The following FAM81B variants were observed in gnomAD, a reference collection of about 807,000 sequenced individuals.
The protein encoded by FAM81B is family with sequence similarity 81 member B, also known as protein FAM81B.
In FAM81B, 60 loss-of-function variants were observed where a neutral mutation model predicts 58.7. The observed-to-expected ratio is 1.02, with a 90% CI of 0.83 to 1.27. FAM81B has a LOEUF of 1.27. FAM81B is among the 50% of genes most tolerant of loss of function. The pLI is 0.00. For missense variants in FAM81B, 491 were observed against 522.0 expected (o/e 0.94, Z 0.58); for synonymous variants, 189 against 179.6 (o/e 1.05, Z -0.42).
intron 6 of FAM81B, among the ~76,000 whole-genome samples, chr5:95,430,380 A>AGT (rs952383991): frequency 9.9e-5 from 10 of 100,836 alleles, no homozygotes; most frequent in African/African-American, 5.2e-4. Flanking sequence ...GCACAAAAAT[A>AGT]GTGTATATAT....
chr5:95,411,296 A>C (rs1762398782), intron 3 of FAM81B, among the ~76,000 whole-genome samples: 1 of 152,208 alleles, frequency 6.6e-6, no homozygotes, highest in Non-Finnish European at 1.5e-5. Flanking sequence ...TGGAAATCCC[A>C]AAAAGATCTA....
At chr5:95,427,004 G>A (rs981401201) in intron 5 of FAM81B, among the ~76,000 whole-genome samples, 3 of 152,038 alleles carry the variant, frequency 2.0e-5, no homozygotes, top group African/African-American at 4.8e-5. Context: ...AGCCGAGATT[G>A]TGCCACTGCA....
At chr5:95,433,257 G>A (rs1744970610) in intron 6 of FAM81B, among the ~76,000 whole-genome samples, 1 of 138,976 alleles carries the variant, frequency 7.2e-6, no homozygotes, top group East Asian at 2.0e-4. Context: ...GGTGAAAGGT[G>A]AAGGGTAGCA....
chr5:95,423,978 G>T, intron 5 of FAM81B: 7 of 1,282,158 alleles, frequency 5.5e-6, no homozygotes, highest in Non-Finnish European at 7.1e-6. Context: ...AGAGATTCAG[G>T]TCAGCAACAC....
chr5:95,420,501 T>C lies in FAM81B; in HGVS notation c.656+99T>C, dbSNP rs558990479. Reference sequence around the variant, plus strand: ...CATGCTGTGGAAAAAAGATATTGTCTACACATTAAGCTAAACTAATGAGAT... The same window carrying C: ...CATGCTGTGGAAAAAAGATATTGTCCACACATTAAGCTAAACTAATGAGAT... On this transcript the variant is annotated intron_variant, in intron 5 of 9. Transcript: ENST00000283357. 4.1e-5 allele frequency: 62 copies of C among 1,519,202 alleles called. No homozygotes were observed. In the South Asian group the frequency reaches 7.1e-4, roughly 17 times the overall value. The allele number at this position is 1,519,202 out of a possible 1,614,324, so 94.1% of individuals were successfully genotyped here. A position where few individuals can be genotyped will look rare whatever the true frequency, so the allele number is the denominator to read the frequency against.
intron 4 of FAM81B, among the ~76,000 whole-genome samples, chr5:95,417,095 T>C (rs972869422): frequency 2.6e-5 from 4 of 152,174 alleles, no homozygotes; most frequent in Admixed American, 6.5e-5. Flanking sequence ...GTATCTGCGT[T>C]TGGATTATTT....
At chr5:95,428,347 T>G (rs1391816645) in intron 5 of FAM81B, among the ~76,000 whole-genome samples, 2 of 152,156 alleles carry the variant, frequency 1.3e-5, no homozygotes, top group Non-Finnish European at 2.9e-5. Flanking sequence ...TTCCCTCAAT[T>G]TACCACAATA....
intron 7 of FAM81B, among the ~76,000 whole-genome samples, chr5:95,442,755 G>T (rs1199399620): frequency 1.3e-5 from 2 of 152,170 alleles, no homozygotes; most frequent in Non-Finnish European, 2.9e-5. Flanking sequence ...ATAACATTAA[G>T]AAGAAATTAG....
chr5:95,437,631 C>T (rs1172994032), intron 7 of FAM81B, among the ~76,000 whole-genome samples: 1 of 152,210 alleles, frequency 6.6e-6, no homozygotes, highest in Non-Finnish European at 1.5e-5. Flanking sequence ...GCCACTGTGT[C>T]CGGCCTACAT....
intron 5 of FAM81B, among the ~76,000 whole-genome samples, chr5:95,421,630 G>A (rs963205402): frequency 6.6e-5 from 10 of 151,918 alleles, no homozygotes; most frequent in Non-Finnish European, 1.5e-4. Context: ...GTAAGGGGGT[G>A]GCATATCATA....
intron 7 of FAM81B, among the ~76,000 whole-genome samples, chr5:95,446,271 A>C (rs1745553367): frequency 6.6e-6 from 1 of 152,188 alleles, no homozygotes; most frequent in Non-Finnish European, 1.5e-5. Context: ...CATGGATAAC[A>C]CTACATTTCA....
At chr5:95,440,263 A>G (rs1022480763) in intron 7 of FAM81B, 6 of 779,916 alleles carry the variant, frequency 7.7e-6, no homozygotes, top group Non-Finnish European at 1.4e-5. Context: ...GCTGAAAAAT[A>G]CAAGGACTTA....
intron 3 of FAM81B, chr5:95,397,032 A>G (rs1761982255): frequency 1.3e-5 from 2 of 152,378 alleles, no homozygotes; most frequent in Admixed American, 1.3e-4. Context: ...TCATGTGAAG[A>G]GAAAAATCTA....
chr5:95,418,446 C>T (rs1024999536), intron 4 of FAM81B, among the ~76,000 whole-genome samples: 2 of 152,142 alleles, frequency 1.3e-5, no homozygotes, highest in African/African-American at 4.8e-5. Context: ...AAGAACAAAT[C>T]TTCTATCCAT....
chr5:95,403,986 C>T (rs17084641), intron 3 of FAM81B, among the ~76,000 whole-genome samples: 40,119 of 151,954 alleles, frequency 0.26, 5,481 homozygotes, highest in Middle Eastern at 0.29. Flanking sequence ...TGGTATCTGC[C>T]ATACTGAGAA....
chr5:95,441,398 G>A (rs911066765), intron 7 of FAM81B, among the ~76,000 whole-genome samples: 7 of 151,822 alleles, frequency 4.6e-5, no homozygotes, highest in African/African-American at 1.7e-4. Context: ...GTGAAACCCC[G>A]CCTGTACTAA....
intron 5 of FAM81B, among the ~76,000 whole-genome samples, chr5:95,422,596 C>A (rs1762715979): frequency 6.6e-6 from 1 of 152,124 alleles, no homozygotes; most frequent in Non-Finnish European, 1.5e-5. Flanking sequence ...AATTATCATG[C>A]CTCAGCCTCC....
chr5:95,438,733 T>C (rs1745198005), intron 7 of FAM81B, among the ~76,000 whole-genome samples: 1 of 151,740 alleles, frequency 6.6e-6, no homozygotes, highest in Non-Finnish European at 1.5e-5. Flanking sequence ...CACAACTGAC[T>C]TTTATATTTA....
chr5:95,441,128 A>G (rs1452235222), intron 7 of FAM81B, among the ~76,000 whole-genome samples: 1 of 152,168 alleles, frequency 6.6e-6, no homozygotes, highest in Non-Finnish European at 1.5e-5. Context: ...AGATACAATT[A>G]AAACCTGTCA....
Sources: gnomAD v4.1 joint callset for allele counts (sites outside exome capture counted in the v4.1 genomes callset) on GRCh38, gnomAD v4.1.1 for gene constraint, MANE v1.5 for transcripts, NCBI Gene and HGNC (gene_info 2026-07-23, HGNC 2026-07-21) for gene names.